BTNL2: variants seen among roughly 807,000 people sequenced by gnomAD.
The protein encoded by BTNL2 is butyrophilin-like protein 2.
Under a neutral mutation model 46.8 loss-of-function variants are expected in BTNL2, and 46 were observed. The observed-to-expected ratio is 0.98, with a 90% confidence interval of 0.78 to 1.26. The LOEUF is 1.26. Ranked by LOEUF, BTNL2 falls within the 50% of genes most tolerant of loss-of-function variation. The pLI is 0.00. For synonymous variants in BTNL2, 226 were observed against 229.1 expected (o/e 0.99, Z 0.12); for missense variants, 461 against 592.6 (o/e 0.78, Z 2.31).
rs762392756 is a variant in BTNL2 at position 32,396,218 on chromosome 6, A to T, written c.899T>A (p.Val300Glu). 17 of 1,613,000 alleles carry T rather than the reference A, an allele frequency of 1.1e-5. No homozygotes were observed. The highest frequency in any genetic ancestry group is 1.6e-4 in the Middle Eastern group (1 of 6,084). ...GTACTCTGCCATCTGCTCTCCAGCCACATGGTCCCCATCCATATACACATG... is the reference window on the plus strand; with the variant it reads ...GTACTCTGCCATCTGCTCTCCAGCCTCATGGTCCCCATCCATATACACATG... ...AVHVYMDGDHVAGEQMAEYRG... is the reference protein window; with the variant it reads ...AVHVYMDGDHEAGEQMAEYRG... Residue 300 changes from valine to glutamate, a missense_variant, in exon 5 of 8, where the codon GTG becomes GAG. By Grantham distance (121) the Val-to-Glu change is moderately radical. Coordinates refer to ENST00000454136, the MANE Select transcript of BTNL2 (RefSeq NM_001304561.2). The surrounding 1 kb of genome is among the most constrained non-coding windows in gnomAD (Gnocchi z 4.4).
At position 32,393,956 on chromosome 6, in the gene BTNL2, G is replaced by C; in HGVS notation, c.*6+7C>G. The C allele has an allele frequency of 1.3e-6, 2 of 1,545,692 alleles. No homozygotes were observed. On this transcript the variant is annotated splice_region_variant and intron_variant, in intron 7 of 7. Transcript: ENST00000454136. The surrounding 1 kb of genome is among the most constrained non-coding windows in gnomAD (Gnocchi z 4.8). ...TGTGCTCCGCTGTTTCTGTTTCCCT[G>C]ACTTACCTCTTTTCAGCTCCTCTTC...
At chr6:32,402,500 T>TGGGG (rs57612352) in intron 3 of BTNL2, among the ~76,000 whole-genome samples, 123 of 152,078 alleles carry the variant, frequency 8.1e-4, no homozygotes, top group African/African-American at 2.7e-3. Context: ...ACTGTTGTAT[T>TGGGG]GGGGGGTTGG....
At chr6:32,401,903 G>A in intron 3 of BTNL2, 98 bp from the exon 4 acceptor site, 2 of 966,034 alleles carry the variant, frequency 2.1e-6, no homozygotes, top group Non-Finnish European at 3.0e-6. Flanking sequence ...CATTATATAG[G>A]GAAGCTCAAT....
In BTNL2 at chr6:32,394,749, A is replaced by G. The variant is rs1352926556; in HGVS notation, c.1355T>C (p.Leu452Pro). The G allele has an allele frequency of 6.2e-7, 1 of 1,611,662 alleles. No individual in the cohort carries two copies. ...GAACATAAGGAATCACCAACCTGAG[A>G]GAGAAAAAGTTGCGATTTTCTCCTC... is the stretch of plus-strand genomic sequence containing the variant. ...LGEEKIATFS[L>P]SESRMTFLWK... is the part of the protein sequence containing the mutation. The change falls in exon 6 of 8, where the codon CTC becomes CCC. Residue 452 changes from leucine (L) to proline (P), a missense_variant. By Grantham distance (98) the Leu-to-Pro change is moderately conservative (BLOSUM62 -3). Transcript: ENST00000454136. The surrounding 1 kb of genome is among the most constrained non-coding windows in gnomAD (Gnocchi z 4.6).
chr6:32,395,019 C>T lies in BTNL2; in HGVS notation c.1085G>A (p.Gly362Asp). The change falls in exon 6 of 8, where the codon GGT (glycine) becomes GAT (aspartate). Residue 362 changes from glycine to aspartate, a missense_variant. Gly to Asp is a moderately conservative substitution (Grantham distance 94). Transcript: ENST00000454136. ...CTCCACAGTGATCAGTGGGGAAGAA[C>T]CCAGACCTGGGGCAGAGAAAGCAAC... ...ASLDLKVVSL[G>D]SSPLITVEGQ... 6.4e-7 allele frequency: 1 copy of T among 1,571,902 alleles called. No individual in the cohort carries two copies. Among genetic ancestry groups the T allele is most frequent in the Non-Finnish European group, 8.7e-7 (1 of 1,156,058 alleles).
chr6:32,401,033 C>A (rs111700529), intron 4 of BTNL2, among the ~76,000 whole-genome samples: 1 of 138,534 alleles, frequency 7.2e-6, no homozygotes, highest in Non-Finnish European at 1.6e-5. Context: ...ACGGTGAAAT[C>A]TCGTCTCTAC....
intron 3 of BTNL2, among the ~76,000 whole-genome samples, chr6:32,402,132 A>G (rs117093661): frequency 0.017 from 2,664 of 152,332 alleles, 75 homozygotes; most frequent in East Asian, 0.11. Context: ...ACAAAATTAT[A>G]TGGACATAAA....
Position 32,396,594 on chromosome 6 carries a change from T to G in BTNL2, c.731-208A>C, listed in dbSNP as rs920302390. The G allele has an allele frequency of 5.1e-6, 3 of 586,016 alleles. No individual in the cohort carries two copies. The African/African-American group carries it at 5.6e-5, about 11-fold the overall frequency. The allele number at this position is 586,016 out of a possible 1,614,324, so 36.3% of individuals were successfully genotyped here. ...AGGAGGAATCATTCCATGATGTGTG[T>G]CAGTCTGAGTAAAACAGTAATTGAA... On this transcript the variant is annotated intron_variant, in intron 4 of 7. Coordinates refer to ENST00000454136, the MANE Select transcript of BTNL2 (RefSeq NM_001304561.2). The surrounding 1 kb of genome is among the most constrained non-coding windows in gnomAD (Gnocchi z 4.4).
chr6:32,396,267 G>C lies in BTNL2; in HGVS notation c.850C>G (p.Arg284Gly), dbSNP rs36110770. The change falls in exon 5 of 8, where the codon CGA becomes GGA. Residue 284 changes from arginine to glycine, a missense_variant. Arg to Gly is a moderately radical substitution (Grantham distance 125). Coordinates refer to ENST00000454136, the MANE Select transcript of BTNL2 (RefSeq NM_001304561.2). This position sits in a 1 kb window ranked among gnomAD's most constrained non-coding sequence, Gnocchi z 4.4. ...TGCACAGCAGGGTAACGGTGGGATC[G>C]GTCCCACCTCACCTCCATGCTCTGT... is the stretch of plus-strand genomic sequence containing the variant. ...NAQSMEVRWD[R>G]SHRYPAVHVY... 1 of 1,612,874 alleles carries C rather than the reference G, an allele frequency of 6.2e-7. No individual in the cohort carries two copies. The highest frequency in any genetic ancestry group is 2.2e-5 in the East Asian group (1 of 44,890).
At position 32,393,773 on chromosome 6, in the gene BTNL2, A is replaced by T. The variant is rs1057344411; in HGVS notation, c.*6+190T>A. 3.1e-4 allele frequency: 200 copies of T among 648,060 alleles called. 3 individuals are homozygous for T. In the Middle Eastern group the frequency reaches 0.01, roughly 33 times the overall value. 40.1% of individuals were successfully genotyped at this position (648,060 alleles called of 1,614,324 possible). ...TTTTGCTTCTATTACAAGTGGAAAC[A>T]CTGACCTCATGCATCACTGAGCCTG... On this transcript the variant is annotated intron_variant, in intron 7 of 7. Transcript: ENST00000454136. This position sits in a 1 kb window ranked among gnomAD's most constrained non-coding sequence, Gnocchi z 4.8.
At chr6:32,400,760 A>AAAAAAAAAAAAAAAAAC (rs1390075841) in intron 4 of BTNL2, among the ~76,000 whole-genome samples, 3 of 115,916 alleles carry the variant, frequency 2.6e-5, no homozygotes, top group Non-Finnish European at 3.8e-5. Context: ...AAAAAAAAAA[A>AAAAAAAAAAAAAAAAAC]AAATTAGCTG....
At chr6:32,401,858 G>T in intron 3 of BTNL2, 53 bp from the exon 4 acceptor site, 1 of 1,526,900 alleles carries the variant, frequency 6.5e-7, no homozygotes, top group Non-Finnish European at 9.0e-7. Flanking sequence ...AGGGAAAGGA[G>T]AGAAACTATT....
chr6:32,400,753 A>AAAAAAAAAAAAAC (rs1776708524), intron 4 of BTNL2, among the ~76,000 whole-genome samples: 8 of 89,848 alleles, frequency 8.9e-5, no homozygotes, highest in Admixed American at 5.0e-4. Flanking sequence ...ACTAAAAAAA[A>AAAAAAAAAAAAAC]AAAAAAAAAA....
Position 32,396,128 on chromosome 6 carries a change from C to G in BTNL2, c.989G>C (p.Ser330Thr), listed in dbSNP as rs755765420. The change falls in exon 5 of 8, where the codon AGT becomes ACT. Residue 330 changes from serine (S) to threonine (T), a missense_variant. Transcript: ENST00000454136. This position sits in a 1 kb window ranked among gnomAD's most constrained non-coding sequence, Gnocchi z 4.4. The stretch of plus-strand genomic sequence containing the variant: ...CTGCCCGTCGTCCGAAGGTCTGGCA[C>G]TGAGTATCTGCAGGGTCAGTCTGCC... The part of the protein sequence containing the change: ...DEGRLTLQIL[S>T]ARPSDDGQYR... 17 of 1,613,022 alleles carry G rather than the reference C, an allele frequency of 1.1e-5. No individual in the cohort carries two copies.
At position 32,399,300 on chromosome 6, in the gene BTNL2, C is replaced by T. The variant is rs117010275; in HGVS notation, c.730+2485G>A. Among the ~76,000 whole-genome samples the T allele has an allele frequency of 0.018, 2,674 of 152,326 alleles. 79 individuals carry two copies. The highest frequency in any genetic ancestry group is 0.11 in the East Asian group (572 of 5,186). On this transcript the variant is annotated intron_variant, in intron 4 of 7. Transcript: ENST00000454136. The surrounding 1 kb of genome is among the most constrained non-coding windows in gnomAD (Gnocchi z 5.2). ...GTTCTGAATGCCTTCTGAATATCCA[C>T]TGAAAAATTAATTCCCTTCTGGAGC...
chr6:32,404,412 T>C (rs1478891097), intron 2 of BTNL2, among the ~76,000 whole-genome samples: 2 of 122,310 alleles, frequency 1.6e-5, no homozygotes, highest in African/African-American at 6.2e-5. Context: ...AAAGCATCTG[T>C]GAGTCCCCAA....
At chr6:32,401,696 G>T in intron 4 of BTNL2, 89 bp downstream of exon 4, 1 of 1,300,678 alleles carries the variant, frequency 7.7e-7, no homozygotes, top group Non-Finnish European at 1.1e-6. Flanking sequence ...TTTTTCCTCT[G>T]GGTCACATGG....
At chr6:32,395,557 T>G (rs1229008856) in intron 5 of BTNL2, among the ~76,000 whole-genome samples, 1 of 152,190 alleles carries the variant, frequency 6.6e-6, no homozygotes, top group Non-Finnish European at 1.5e-5. Context: ...ACGTTTCAAT[T>G]CTCACACACA....
intron 2 of BTNL2, among the ~76,000 whole-genome samples, chr6:32,404,122 T>C (rs969556787): frequency 4.6e-5 from 7 of 151,892 alleles, no homozygotes; most frequent in Non-Finnish European, 1.0e-4. Flanking sequence ...AAAAAAAAGG[T>C]ATTAGGAAAC....
Sources: gnomAD v4.1 joint callset for allele counts (sites outside exome capture counted in the v4.1 genomes callset) on GRCh38, gnomAD v4.1.1 for gene constraint, Gnocchi (gnomAD v3.1) non-coding constraint, MANE v1.5 for transcripts, NCBI Gene and HGNC (gene_info 2026-07-23, HGNC 2026-07-21) for gene names.